The following VAT1L variants were observed in gnomAD, a reference collection of about 807,000 sequenced individuals.
VAT1L encodes the protein putative NADPH-dependent quinone oxidoreductase VAT1L.
VAT1L carries 34 observed loss-of-function variants against 44.1 expected under a neutral mutation model. The ratio of observed to expected loss-of-function variants is 0.77; its 90% CI spans 0.59 to 1.03. The LOEUF is 1.03. Ranked by LOEUF, VAT1L falls within the 50% of genes least tolerant of loss-of-function variation. The pLI is 0.00. For synonymous variants in VAT1L, 253 were observed against 202.2 expected, an observed-to-expected ratio of 1.25 and a Z score of -2.13; for missense variants, 615 against 538.8, an observed-to-expected ratio of 1.14 and a Z score of -1.40.
At chr16:77,896,278 T>G (rs1457107593) in intron 7 of VAT1L, among the ~76,000 whole-genome samples, 1 of 152,178 alleles carries the variant, frequency 6.6e-6, no homozygotes, top group Non-Finnish European at 1.5e-5. Context: ...GACTCAGCCC[T>G]GGTGTCGACT....
intron 7 of VAT1L, among the ~76,000 whole-genome samples, chr16:77,948,685 A>G (rs1233688281): frequency 1.3e-5 from 2 of 152,172 alleles, no homozygotes; most frequent in East Asian, 3.9e-4. Flanking sequence ...TTTCTGGAGT[A>G]TTTTAAAGTA....
chr16:77,974,571 C>T (rs1191875212), intron 8 of VAT1L, among the ~76,000 whole-genome samples: 1 of 152,198 alleles, frequency 6.6e-6, no homozygotes, highest in South Asian at 2.1e-4. Flanking sequence ...CTCCTGAAGC[C>T]TTCTTTTTTG....
At chr16:77,883,661 A>C (rs774514231) in intron 6 of VAT1L, among the ~76,000 whole-genome samples, 3 of 152,150 alleles carry the variant, frequency 2.0e-5, no homozygotes, top group Non-Finnish European at 4.4e-5. Context: ...AACAATATCA[A>C]ATGCCTTCTG....
intron 1 of VAT1L, among the ~76,000 whole-genome samples, chr16:77,793,773 AT>A (rs1265909462): frequency 6.6e-6 from 1 of 152,220 alleles, no homozygotes; most frequent in Non-Finnish European, 1.5e-5. Flanking sequence ...TGATCTGAAA[AT>A]GGGCTGAGGG....
intron 7 of VAT1L, among the ~76,000 whole-genome samples, chr16:77,971,182 C>T (rs960501014): frequency 6.6e-6 from 1 of 152,232 alleles, no homozygotes; most frequent in Non-Finnish European, 1.5e-5. Context: ...CACATGGCAA[C>T]AGAATGAAAT....
At chr16:77,830,885 C>T (rs2016571634) in intron 3 of VAT1L, among the ~76,000 whole-genome samples, 2 of 152,172 alleles carry the variant, frequency 1.3e-5, no homozygotes, top group African/African-American at 4.8e-5. Flanking sequence ...GATTTCACCA[C>T]GTTGGCGAGG....
chr16:77,949,240 T>C (rs2018010705), intron 7 of VAT1L, among the ~76,000 whole-genome samples: 1 of 152,180 alleles, frequency 6.6e-6, no homozygotes, highest in African/African-American at 2.4e-5. Flanking sequence ...ATCGACTGCC[T>C]GCAGCAGGGA....
chr16:77,808,149 C>T (rs8055855), intron 1 of VAT1L, among the ~76,000 whole-genome samples: 8,848 of 152,038 alleles, frequency 0.058, 507 homozygotes, highest in African/African-American at 0.13. Flanking sequence ...ACCCGTCACT[C>T]GCATTACCAC....
In VAT1L at chr16:77,826,176, C is replaced by T. The variant is rs368853653; in HGVS notation, c.579+715C>T. Among the ~76,000 whole-genome samples the T allele has an allele frequency of 4.0e-4, 60 of 148,660 alleles. No homozygotes were observed. The South Asian group carries it at 0.013, about 32-fold the overall frequency. ...GAGCCGAGATCCCGCCACTGCACTCCAGCCTGGGCGACAGAGCGAGACTCC... is the reference window on the plus strand; with the variant it reads ...GAGCCGAGATCCCGCCACTGCACTCTAGCCTGGGCGACAGAGCGAGACTCC... On this transcript the variant is annotated intron_variant, in intron 3 of 8. Transcript: ENST00000302536.
At chr16:77,945,144 G>C (rs150373640) in intron 7 of VAT1L, among the ~76,000 whole-genome samples, 38 of 152,154 alleles carry the variant, frequency 2.5e-4, no homozygotes, top group Non-Finnish European at 4.4e-4. Flanking sequence ...ATCAGACCTA[G>C]TCTGTCCAAT....
At position 77,788,789 on chromosome 16, in the gene VAT1L, T is replaced by C. The variant is rs1466488820; in HGVS notation, c.107T>C (p.Leu36Pro). The change falls in exon 1 of 9, where the codon CTC becomes CCC. Residue 36 changes from leucine (L) to proline (P), a missense_variant. Physicochemically the swap from Leu to Pro is moderately conservative, Grantham distance 98. Transcript: ENST00000302536. ...GGCGGCGGCGACGGCTCGCACCGCC[T>C]CGGGGACGCCCAGGAGATGCGCGCG... ...EGGGGDGSHR[L>P]GDAQEMRAVV... is the part of the protein sequence containing the mutation. 4.5e-6 allele frequency: 7 copies of C among 1,567,074 alleles called. No homozygotes were observed. Among genetic ancestry groups the C allele is most frequent in the Non-Finnish European group, 6.0e-6 (7 of 1,157,040 alleles).
intron 8 of VAT1L, among the ~76,000 whole-genome samples, chr16:77,975,194 C>CTTTT (rs35017686): frequency 2.0e-4 from 8 of 39,834 alleles, no homozygotes; most frequent in African/African-American, 7.4e-4. Context: ...GGAATGACCA[C>CTTTT]TTTTTTTTTT....
intron 8 of VAT1L, among the ~76,000 whole-genome samples, chr16:77,977,051 C>T (rs751152975): frequency 2.0e-5 from 3 of 152,184 alleles, no homozygotes; most frequent in East Asian, 1.9e-4. Context: ...GGGTCCCCTG[C>T]GCTCCAGGGG....
Position 77,884,514 on chromosome 16 carries a change from C to T in VAT1L, c.883-94C>T, listed in dbSNP as rs978557733. ...ATCTGCTGAGCTGCAGCCCCACGTT[C>T]CCCCTGTAGTAGCTGATGACATCAG... On this transcript the variant is annotated intron_variant, in intron 6 of 8. Coordinates refer to ENST00000302536, the MANE Select transcript of VAT1L (RefSeq NM_020927.3). This position sits in a 1 kb window ranked among gnomAD's most constrained non-coding sequence, Gnocchi z 4.5. The T allele has an allele frequency of 3.9e-6, 5 of 1,277,118 alleles. No individual in the cohort carries two copies. In the Admixed American group the frequency reaches 1.0e-4, roughly 26 times the overall value. 79.1% of individuals were successfully genotyped at this position (1,277,118 alleles called of 1,614,324 possible). A position where few individuals can be genotyped will look rare whatever the true frequency, so the allele number is the denominator to read the frequency against.
At chr16:77,803,523 C>A (rs910202074) in intron 1 of VAT1L, among the ~76,000 whole-genome samples, 7 of 150,670 alleles carry the variant, frequency 4.6e-5, no homozygotes, top group African/African-American at 7.4e-5. Flanking sequence ...GGGTTCAGGC[C>A]ATTCTCCTGC....
At chr16:77,814,850 C>T (rs1010899118) in intron 1 of VAT1L, among the ~76,000 whole-genome samples, 3 of 152,114 alleles carry the variant, frequency 2.0e-5, no homozygotes, top group Admixed American at 6.5e-5. Context: ...CCTTTTTTTA[C>T]GAGTGCCTTC....
intron 7 of VAT1L, among the ~76,000 whole-genome samples, chr16:77,944,619 G>C (rs138015328): frequency 6.6e-6 from 1 of 152,308 alleles, no homozygotes; most frequent in Non-Finnish European, 1.5e-5. Context: ...GATAATGCCT[G>C]TAAGCCAGTT....
intron 7 of VAT1L, among the ~76,000 whole-genome samples, chr16:77,939,024 C>G (rs757683260): frequency 6.6e-6 from 1 of 152,120 alleles, no homozygotes; most frequent in East Asian, 1.9e-4. Context: ...CTGCATCAAC[C>G]TGGACTGCTC....
chr16:77,977,981 C>A lies in VAT1L; in HGVS notation c.*286C>A. On this transcript the variant is annotated 3_prime_UTR_variant, in exon 9 of 9. Transcript: ENST00000302536. ...TCTTGACAGTTCTAGAACAGCCTTG[C>A]AAATTAATACAAGTCCCAGGCCCAA... 3.2e-6 allele frequency: 1 copy of A among 312,286 alleles called. No homozygotes were observed. The highest frequency in any genetic ancestry group is 6.1e-6 in the Non-Finnish European group (1 of 164,086). 19.3% of individuals were successfully genotyped at this position (312,286 alleles called of 1,614,324 possible). A position where few individuals can be genotyped will look rare whatever the true frequency, so the allele number is the denominator to read the frequency against.
Sources: gnomAD v4.1 joint callset for allele counts (sites outside exome capture counted in the v4.1 genomes callset) on GRCh38, gnomAD v4.1.1 for gene constraint, Gnocchi (gnomAD v3.1) non-coding constraint, MANE v1.5 for transcripts, NCBI Gene and HGNC (gene_info 2026-07-23, HGNC 2026-07-21) for gene names.